DDX10: variants seen among roughly 807,000 people sequenced by gnomAD.
DDX10 encodes the protein probable ATP-dependent RNA helicase DDX10.
DDX10 carries 74 observed loss-of-function variants against 104.3 expected under a neutral mutation model. The observed-to-expected ratio is 0.71, with a 90% CI of 0.59 to 0.86. The LOEUF (loss-of-function observed/expected upper bound fraction) is 0.86, where lower values mean the gene tolerates loss of function less well. DDX10 is among the 40% of genes least tolerant of loss of function. DDX10 has a pLI of 0.00. For missense variants in DDX10, 952 were observed against 1,040.0 expected (o/e 0.92, Z 1.16); for synonymous variants, 351 against 353.4 (o/e 0.99, Z 0.08).
intron 16 of DDX10, among the ~76,000 whole-genome samples, chr11:108,871,275 C>T (rs1863078680): frequency 6.6e-6 from 1 of 152,102 alleles, no homozygotes; most frequent in Non-Finnish European, 1.5e-5. Context: ...ACTAATTGTA[C>T]CAAAACAACT....
At chr11:108,890,448 G>A (rs906316765) in intron 16 of DDX10, among the ~76,000 whole-genome samples, 1 of 151,872 alleles carries the variant, frequency 6.6e-6, no homozygotes, top group African/African-American at 2.4e-5. Context: ...TTCCAGAGCC[G>A]CTACTTTGCT....
At chr11:108,938,790 A>G (rs1036880478) in intron 17 of DDX10, among the ~76,000 whole-genome samples, 2 of 152,076 alleles carry the variant, frequency 1.3e-5, no homozygotes, top group Non-Finnish European at 2.9e-5. Context: ...TTCTGGGAGG[A>G]AAATGGAGGA....
Position 108,715,955 on chromosome 11 carries a change from A to G in DDX10, c.1399A>G (p.Arg467Gly), listed in dbSNP as rs756097420. 2 of 1,539,090 alleles carry G rather than the reference A, an allele frequency of 1.3e-6. No individual in the cohort carries two copies. The highest frequency in any genetic ancestry group is 3.4e-5 in the Admixed American group (2 of 58,542). The change falls in exon 11 of 18, where the codon AGA becomes GGA. Residue 467 changes from arginine to glycine, a missense_variant. Physicochemically the swap from Arg to Gly is moderately radical, Grantham distance 125. This residue lies in a region of DDX10 where 533 missense variants were observed against 534.1 expected (regional missense o/e 1.00). Coordinates refer to ENST00000322536, the MANE Select transcript of DDX10 (RefSeq NM_004398.4). The part of the protein sequence containing the change: ...ILAQDQDLKE[R>G]AQRCFVSYVR... Reference sequence around the variant, plus strand: ...AGCTCAAGATCAAGATTTAAAAGAAAGAGCTCAAAGGGTAAGTCATTTTTC... The same window carrying G: ...AGCTCAAGATCAAGATTTAAAAGAAGGAGCTCAAAGGGTAAGTCATTTTTC...
At chr11:108,770,263 T>C (rs114578236) in intron 13 of DDX10, among the ~76,000 whole-genome samples, 1 of 152,234 alleles carries the variant, frequency 6.6e-6, no homozygotes, top group Admixed American at 6.5e-5. Context: ...ATCTAGCCCC[T>C]GAAGCATTTA....
At chr11:108,914,586 A>C (rs1203581477) in intron 16 of DDX10, among the ~76,000 whole-genome samples, 4 of 152,194 alleles carry the variant, frequency 2.6e-5, no homozygotes, top group Admixed American at 2.6e-4. Flanking sequence ...CTCAGGAAAC[A>C]TGATAGAATC....
intron 13 of DDX10, among the ~76,000 whole-genome samples, chr11:108,768,839 T>C (rs1462634371): frequency 6.6e-6 from 1 of 152,192 alleles, no homozygotes; most frequent in Non-Finnish European, 1.5e-5. Flanking sequence ...AATGGCATTT[T>C]GATTTTTAAT....
Position 108,675,836 on chromosome 11 carries a change from T to C in DDX10, c.378+110T>C, listed in dbSNP as rs143850697. 6.7e-4 allele frequency: 916 copies of C among 1,370,966 alleles called. 6 individuals carry two copies. In the African/African-American group the frequency reaches 0.012, roughly 17 times the overall value. 84.9% of individuals were successfully genotyped at this position (1,370,966 alleles called of 1,614,324 possible). ...TTTTCATGTTAGATTTCATGATAGA[T>C]TGGCTAGAATGCGAGCTTCATCAAA... On this transcript the variant is annotated intron_variant, in intron 3 of 17. Transcript: ENST00000322536.
At chr11:108,778,778 T>G (rs1169298743) in intron 13 of DDX10, among the ~76,000 whole-genome samples, 1 of 152,022 alleles carries the variant, frequency 6.6e-6, no homozygotes, top group Non-Finnish European at 1.5e-5. Context: ...TGGGAGAAAG[T>G]TTTTACAATC....
chr11:108,814,727 A>G (rs989469377), intron 13 of DDX10, among the ~76,000 whole-genome samples: 1 of 152,228 alleles, frequency 6.6e-6, no homozygotes, highest in African/African-American at 2.4e-5. Flanking sequence ...ATCCTTCGTA[A>G]TTAAGTTAAT....
chr11:108,912,443 A>G (rs1863692865), intron 16 of DDX10, among the ~76,000 whole-genome samples: 1 of 152,140 alleles, frequency 6.6e-6, no homozygotes, highest in Non-Finnish European at 1.5e-5. Context: ...ATTAATTATT[A>G]TAGTTTTAAA....
At chr11:108,794,782 C>T (rs1433392924) in intron 13 of DDX10, among the ~76,000 whole-genome samples, 1 of 151,946 alleles carries the variant, frequency 6.6e-6, no homozygotes, top group Admixed American at 6.6e-5. Flanking sequence ...AGGACTTCTA[C>T]ACCTATGTTT....
chr11:108,869,530 CATTTT>C (rs1358521799), intron 16 of DDX10, among the ~76,000 whole-genome samples: 1 of 152,076 alleles, frequency 6.6e-6, no homozygotes, highest in Non-Finnish European at 1.5e-5. Flanking sequence ...CTTTCATTAA[CATTTT>C]ATTTTGGGGG....
At chr11:108,765,601 A>G (rs1486058880) in intron 13 of DDX10, among the ~76,000 whole-genome samples, 1 of 152,244 alleles carries the variant, frequency 6.6e-6, no homozygotes, top group Non-Finnish European at 1.5e-5. Flanking sequence ...ATTAAATTCA[A>G]GAGTTAGCCT....
chr11:108,696,482 C>G (rs1286952462), intron 9 of DDX10, among the ~76,000 whole-genome samples: 2 of 152,082 alleles, frequency 1.3e-5, no homozygotes, highest in Admixed American at 1.3e-4. Flanking sequence ...CGGCGAGTAC[C>G]TGTTTTGATT....
At chr11:108,750,875 A>G (rs1206665559) in intron 13 of DDX10, among the ~76,000 whole-genome samples, 1 of 125,096 alleles carries the variant, frequency 8.0e-6, no homozygotes, top group Non-Finnish European at 1.7e-5. Flanking sequence ...CTTCCACTTC[A>G]GCCTCCTGAG....
intron 13 of DDX10, among the ~76,000 whole-genome samples, chr11:108,823,875 C>T (rs1376216936): frequency 1.3e-5 from 2 of 152,154 alleles, no homozygotes; most frequent in Non-Finnish European, 2.9e-5. Context: ...TTTTGATGCT[C>T]TCCCATTTTG....
intron 16 of DDX10, among the ~76,000 whole-genome samples, chr11:108,855,584 C>A (rs762323658): frequency 6.6e-6 from 1 of 152,114 alleles, no homozygotes; most frequent in Non-Finnish European, 1.5e-5. Flanking sequence ...CTCAGCCTCC[C>A]GAGTAGCTGG....
At chr11:108,898,012 T>C (rs559145689) in intron 16 of DDX10, among the ~76,000 whole-genome samples, 1 of 152,200 alleles carries the variant, frequency 6.6e-6, no homozygotes, top group South Asian at 2.1e-4. Context: ...GAAGAGATAG[T>C]TCCCATGATC....
intron 16 of DDX10, among the ~76,000 whole-genome samples, chr11:108,870,434 A>G (rs1863065552): frequency 6.6e-6 from 1 of 152,198 alleles, no homozygotes; most frequent in African/African-American, 2.4e-5. Context: ...CAAAGTTCAC[A>G]TGTGATCTAG....
Sources: allele counts gnomAD v4.1 joint callset (sites outside exome capture counted in the v4.1 genomes callset), GRCh38; gene constraint gnomAD v4.1.1; regional missense constraint gnomAD v4.1.1; transcripts MANE v1.5; gene names NCBI Gene and HGNC (gene_info 2026-07-23, HGNC 2026-07-21).